KCNK1: variants seen among roughly 807,000 people sequenced by gnomAD.
The protein encoded by KCNK1 is potassium two pore domain channel subfamily K member 1, also known as potassium channel subfamily K member 1.
Under a neutral mutation model 22.2 loss-of-function variants are expected in KCNK1, and 10 were observed. That is an observed-to-expected ratio of 0.45 (90% CI 0.28 to 0.76). The LOEUF (loss-of-function observed/expected upper bound fraction) is 0.76. Ranked by LOEUF, KCNK1 falls within the 30% of genes least tolerant of loss-of-function variation. The pLI, the probability that KCNK1 is intolerant of heterozygous loss-of-function variation, is 0.14. For missense variants in KCNK1, 378 were observed against 421.0 expected, an observed-to-expected ratio of 0.90 and a Z score of 0.89; for synonymous variants, 200 against 186.4, an observed-to-expected ratio of 1.07 and a Z score of -0.60.
chr1:233,621,281 A>G (rs1283476133), intron 1 of KCNK1, among the ~76,000 whole-genome samples: 1 of 152,258 alleles, frequency 6.6e-6, no homozygotes, highest in East Asian at 1.9e-4. Context: ...TGAAGCTTGC[A>G]GACACATTGA....
chr1:233,627,031 T>C (rs914671708), intron 1 of KCNK1, among the ~76,000 whole-genome samples: 1 of 152,084 alleles, frequency 6.6e-6, no homozygotes, highest in Non-Finnish European at 1.5e-5. Context: ...TCACAAACAA[T>C]CTAAACATTT....
chr1:233,646,878 G>A (rs1255229738), intron 1 of KCNK1, among the ~76,000 whole-genome samples: 2 of 152,154 alleles, frequency 1.3e-5, no homozygotes, highest in East Asian at 1.9e-4. Context: ...GCCTTGAGAC[G>A]ACAGACCTGT....
chr1:233,618,022 G>T (rs2102879898), intron 1 of KCNK1, among the ~76,000 whole-genome samples: 1 of 152,274 alleles, frequency 6.6e-6, no homozygotes, highest in South Asian at 2.1e-4. Context: ...GATTTTTCTT[G>T]GAATCTCTGT....
intron 2 of KCNK1, among the ~76,000 whole-genome samples, chr1:233,669,702 C>T (rs1658563286): frequency 6.6e-6 from 1 of 152,048 alleles, no homozygotes; most frequent in African/African-American, 2.4e-5. Flanking sequence ...CAAAAATTAG[C>T]TGAAAATCAC....
chr1:233,667,968 A>G (rs1310138858), intron 2 of KCNK1, among the ~76,000 whole-genome samples: 1 of 152,194 alleles, frequency 6.6e-6, no homozygotes, highest in African/African-American at 2.4e-5. Context: ...AACTGTTTCC[A>G]GAATTTTGTG....
chr1:233,647,563 C>T (rs910987885), intron 1 of KCNK1, among the ~76,000 whole-genome samples: 1 of 152,094 alleles, frequency 6.6e-6, no homozygotes, highest in Non-Finnish European at 1.5e-5. Context: ...GTTCAGTCCT[C>T]GGTGCTCTCC....
intron 1 of KCNK1, chr1:233,649,914 C>T (rs1009273328): frequency 3.8e-6 from 2 of 532,790 alleles, no homozygotes; most frequent in Non-Finnish European, 7.7e-6. Flanking sequence ...ACACCATCCT[C>T]TTCTGTGTTC....
intron 1 of KCNK1, among the ~76,000 whole-genome samples, chr1:233,634,318 C>CAAAAAAAAAAA (rs57277108): frequency 7.1e-6 from 1 of 140,470 alleles, no homozygotes. Flanking sequence ...ACAACAACAA[C>CAAAAAAAAAAA]AAAAAAAAAA....
chr1:233,631,191 GTAACTGC>G, intron 1 of KCNK1: 1 of 487,170 alleles, frequency 2.1e-6, no homozygotes, highest in South Asian at 1.5e-5. Context: ...TACCTACGTG[GTAACTGC>G]TAACTCAAAT....
At chr1:233,629,888 C>A (rs986113864) in intron 1 of KCNK1, 2 of 152,208 alleles carry the variant, frequency 1.3e-5, no homozygotes, top group African/African-American at 2.4e-5. Flanking sequence ...AAGAATTTCA[C>A]AACCCAAACC....
intron 1 of KCNK1, among the ~76,000 whole-genome samples, chr1:233,659,972 C>T (rs987418604): frequency 6.6e-6 from 1 of 152,180 alleles, no homozygotes; most frequent in Non-Finnish European, 1.5e-5. Context: ...CACACTGCAG[C>T]CAGATGAGTG....
At chr1:233,649,970 T>G (rs17814096) in intron 1 of KCNK1, 116,958 of 533,230 alleles carry the variant, frequency 0.22, 13,802 homozygotes, top group Middle Eastern at 0.27. Context: ...CTGATTTGGT[T>G]AGAAGATTGT....
chr1:233,647,013 C>G (rs1484110433), intron 1 of KCNK1, among the ~76,000 whole-genome samples: 1 of 152,138 alleles, frequency 6.6e-6, no homozygotes, highest in African/African-American at 2.4e-5. Flanking sequence ...TGGCACATTG[C>G]TTCTGCTATT....
intron 1 of KCNK1, among the ~76,000 whole-genome samples, chr1:233,663,506 C>G (rs1447781532): frequency 6.6e-6 from 1 of 151,776 alleles, no homozygotes; most frequent in Non-Finnish European, 1.5e-5. Flanking sequence ...TTTTTTTTCT[C>G]TACTAGAACC....
intron 1 of KCNK1, among the ~76,000 whole-genome samples, chr1:233,651,601 T>C (rs1658202949): frequency 6.6e-6 from 1 of 152,198 alleles, no homozygotes; most frequent in Non-Finnish European, 1.5e-5. Context: ...AAAAGGGGCA[T>C]ACTAGAACAT....
rs570460923 is a variant in KCNK1 at position 233,655,054 on chromosome 1, G to A, written c.356-11541G>A. On this transcript the variant is annotated intron_variant, in intron 1 of 2. Transcript: ENST00000366621. ...GATTCTAGCTCTTGGAGCCACAAGGGCACAGAGCAACCTTTGGGGAGGGCC... is the reference window on the plus strand; with the variant it reads ...GATTCTAGCTCTTGGAGCCACAAGGACACAGAGCAACCTTTGGGGAGGGCC... Among the ~76,000 whole-genome samples, 3 of 152,292 alleles carry A rather than the reference G, an allele frequency of 2.0e-5. No homozygotes were observed. In the South Asian group the frequency reaches 6.2e-4, roughly 32 times the overall value.
At chr1:233,636,581 G>A (rs1051665031) in intron 1 of KCNK1, 1 of 152,502 alleles carries the variant, frequency 6.6e-6, no homozygotes, top group Non-Finnish European at 1.5e-5. Flanking sequence ...AAAAAATCCA[G>A]GTGCTCAGCT....
At chr1:233,645,779 C>G (rs895931457) in intron 1 of KCNK1, among the ~76,000 whole-genome samples, 2 of 152,132 alleles carry the variant, frequency 1.3e-5, no homozygotes, top group Admixed American at 6.5e-5. Context: ...ATAACAGAAG[C>G]TGATAAATTA....
intron 1 of KCNK1, among the ~76,000 whole-genome samples, chr1:233,640,688 T>C (rs1657985631): frequency 6.6e-6 from 1 of 152,076 alleles, no homozygotes; most frequent in Non-Finnish European, 1.5e-5. Flanking sequence ...CTGGCTCTTG[T>C]GCTATGGTTC....
Sources: allele counts gnomAD v4.1 joint callset (sites outside exome capture counted in the v4.1 genomes callset), GRCh38; gene constraint gnomAD v4.1.1; transcripts MANE v1.5; gene names NCBI Gene and HGNC (gene_info 2026-07-23, HGNC 2026-07-21).